NRG1: variants seen among roughly 807,000 people sequenced by gnomAD.
The protein encoded by NRG1 is pro-neuregulin-1, membrane-bound isoform.
In NRG1, 18 loss-of-function variants were observed where a neutral mutation model predicts 63.8. That is an observed-to-expected ratio of 0.28 (90% CI 0.19 to 0.42). NRG1 has a LOEUF of 0.42. Among genes scored for constraint, NRG1 ranks in the 10% least tolerant of loss-of-function variants. The pLI is 1.00. For synonymous variants in NRG1, 302 were observed against 301.3 expected (o/e 1.00, Z -0.02); for missense variants, 762 against 814.7 (o/e 0.94, Z 0.79).
At chr8:32,567,744 C>A (rs775867257) in intron 1 of NRG1, among the ~76,000 whole-genome samples, 1 of 152,228 alleles carries the variant, frequency 6.6e-6, no homozygotes, top group Non-Finnish European at 1.5e-5. Flanking sequence ...AATGAAAGTG[C>A]CTTTGAAGTG....
chr8:32,267,482 A>C (rs1394001964), intron 1 of NRG1, among the ~76,000 whole-genome samples: 1 of 152,204 alleles, frequency 6.6e-6, no homozygotes, highest in African/African-American at 2.4e-5. Flanking sequence ...GTGTTTTCTC[A>C]GAGGACCACA....
intron 2 of NRG1, among the ~76,000 whole-genome samples, chr8:32,599,505 C>T (rs1843940266): frequency 6.6e-6 from 1 of 152,162 alleles, no homozygotes; most frequent in South Asian, 2.1e-4. Flanking sequence ...TGCCCACGGT[C>T]CTACTAAAAA....
intron 1 of NRG1, among the ~76,000 whole-genome samples, chr8:31,963,129 A>G (rs1026574961): frequency 1.3e-5 from 2 of 152,218 alleles, no homozygotes; most frequent in Admixed American, 6.5e-5. Flanking sequence ...ATCATCTGTC[A>G]ATGCCCTCAA....
At chr8:32,706,312 T>C (rs1816396969) in intron 5 of NRG1, among the ~76,000 whole-genome samples, 1 of 152,216 alleles carries the variant, frequency 6.6e-6, no homozygotes, top group African/African-American at 2.4e-5. Flanking sequence ...TAGAATACTT[T>C]ATATCTTCTC....
rs114079055 is a variant in NRG1, at chr8:32,011,502, C to T, written c.37+372071C>T. ...GATCTAAAATCCCTTTTGTCAGACA[C>T]TGGACTTTAATCCGCTCTTTTCTGT... On this transcript the variant is annotated intron_variant, in intron 1 of 10. Transcript: ENST00000519301. 7.6e-3 allele frequency among the ~76,000 whole-genome samples: 1,154 copies of T among 152,260 alleles called. 17 individuals carry two copies. Among genetic ancestry groups the T allele is most frequent in the African/African-American group, 0.026 (1,090 of 41,554 alleles).
intron 1 of NRG1, among the ~76,000 whole-genome samples, chr8:31,872,815 T>C (rs1275258683): frequency 6.6e-6 from 1 of 152,214 alleles, no homozygotes. Flanking sequence ...TAATGAAGCA[T>C]AGTTAACACT....
chr8:32,058,570 T>A (rs1450023841), intron 1 of NRG1, among the ~76,000 whole-genome samples: 2 of 151,992 alleles, frequency 1.3e-5, no homozygotes, highest in East Asian at 3.9e-4. Context: ...TTTAATTATT[T>A]TTATTTTTTT....
intron 1 of NRG1, among the ~76,000 whole-genome samples, chr8:32,175,421 C>T (rs1381567263): frequency 6.6e-6 from 1 of 152,152 alleles, no homozygotes; most frequent in Non-Finnish European, 1.5e-5. Flanking sequence ...AAAACTGGCA[C>T]AAGACAGGGA....
intron 1 of NRG1, among the ~76,000 whole-genome samples, chr8:32,554,524 A>T (rs925647558): frequency 1.4e-4 from 22 of 152,250 alleles, no homozygotes; most frequent in Admixed American, 3.9e-4. Flanking sequence ...TTTATTAAGG[A>T]AAATATTCCA....
At chr8:31,931,809 T>C (rs2129619987) in intron 1 of NRG1, among the ~76,000 whole-genome samples, 1 of 152,288 alleles carries the variant, frequency 6.6e-6, no homozygotes, top group South Asian at 2.1e-4. Flanking sequence ...CAGCCTTGCT[T>C]CTGCCATTTG....
chr8:32,404,152 G>A (rs1459576790), intron 1 of NRG1, among the ~76,000 whole-genome samples: 1 of 152,154 alleles, frequency 6.6e-6, no homozygotes, highest in Non-Finnish European at 1.5e-5. Context: ...CTGGAGAAAT[G>A]TTTTCCTGTT....
chr8:31,966,316 T>C (rs561441732), intron 1 of NRG1, among the ~76,000 whole-genome samples: 1 of 152,346 alleles, frequency 6.6e-6, no homozygotes, highest in South Asian at 2.1e-4. Context: ...TCATCTCTCC[T>C]AGACTTGCTT....
At chr8:32,605,727 A>T in intron 3 of NRG1, 44 bp downstream of exon 3, 1 of 1,603,792 alleles carries the variant, frequency 6.2e-7, no homozygotes, top group Non-Finnish European at 8.5e-7. Flanking sequence ...CTGTAACAAG[A>T]GTAATCAAAA....
At chr8:32,338,619 T>A (rs1586906203) in intron 1 of NRG1, among the ~76,000 whole-genome samples, 1 of 152,124 alleles carries the variant, frequency 6.6e-6, no homozygotes, top group African/African-American at 2.4e-5. Flanking sequence ...CTTTGGAGAA[T>A]CTTCATTCTC....
chr8:32,112,894 C>G (rs1403296319), intron 1 of NRG1, among the ~76,000 whole-genome samples: 1 of 152,178 alleles, frequency 6.6e-6, no homozygotes, highest in Non-Finnish European at 1.5e-5. Flanking sequence ...CTTAAACTCT[C>G]TAAGCCACAG....
At chr8:32,566,003 G>T (rs770042918) in intron 1 of NRG1, among the ~76,000 whole-genome samples, 12 of 152,112 alleles carry the variant, frequency 7.9e-5, no homozygotes, top group Admixed American at 6.5e-4. Flanking sequence ...GCACACCTAG[G>T]CATGTAGAAA....
chr8:32,521,939 G>A (rs1354462127), intron 1 of NRG1, among the ~76,000 whole-genome samples: 1 of 152,134 alleles, frequency 6.6e-6, no homozygotes, highest in Non-Finnish European at 1.5e-5. Context: ...ATAAAAATAT[G>A]ACAGAAAGTT....
At chr8:32,333,617 C>G (rs1260789707) in intron 1 of NRG1, among the ~76,000 whole-genome samples, 1 of 152,090 alleles carries the variant, frequency 6.6e-6, no homozygotes, top group Non-Finnish European at 1.5e-5. Flanking sequence ...GAAGAGACCC[C>G]TGTAATCAAT....
At chr8:31,663,677 A>G in intron 1 of NRG1, among the ~76,000 whole-genome samples, 1 of 152,178 alleles carries the variant, frequency 6.6e-6, no homozygotes, top group East Asian at 1.9e-4. Flanking sequence ...TCAGGCTTTC[A>G]TGGGGAAGAG....
Sources: allele counts gnomAD v4.1 joint callset (sites outside exome capture counted in the v4.1 genomes callset), GRCh38; gene constraint gnomAD v4.1.1; transcripts MANE v1.5; gene names NCBI Gene and HGNC (gene_info 2026-07-23, HGNC 2026-07-21).